LGSN: variants seen among roughly 807,000 people sequenced by gnomAD.
LGSN encodes lengsin, lens protein with glutamine synthetase domain.
LGSN carries 21 observed loss-of-function variants against 19.5 expected under a neutral mutation model. The observed-to-expected ratio is 1.07, with a 90% CI of 0.76 to 1.55. The LOEUF (loss-of-function observed/expected upper bound fraction) is 1.55. LGSN is among the 40% of genes most tolerant of loss of function. LGSN has a pLI of 0.00. For missense variants in LGSN, 673 were observed against 608.5 expected, an observed-to-expected ratio of 1.11 and a Z score of -1.12; for synonymous variants, 257 against 215.6, an observed-to-expected ratio of 1.19 and a Z score of -1.68.
chr6:63,337,918 C>T, the LGSN span, among the ~76,000 whole-genome samples: 30 of 152,168 alleles, frequency 2.0e-4, no homozygotes, highest in African/African-American at 6.7e-4. Flanking sequence ...TGGAGTCTTG[C>T]TCTGTTGCCC....
At chr6:63,365,932 T>A in the LGSN span, among the ~76,000 whole-genome samples, 1 of 152,136 alleles carries the variant, frequency 6.6e-6, no homozygotes. Flanking sequence ...ATTGATGGGA[T>A]GTATCTCAAA....
At chr6:63,473,472 TAAA>T in the LGSN span, among the ~76,000 whole-genome samples, 157 of 59,356 alleles carry the variant, frequency 2.6e-3, 1 homozygote, top group Middle Eastern at 0.034. Context: ...ACACTCTGTC[TAAA>T]AAAAAAAAAA....
chr6:63,319,629 T>C (rs1272988757), intron 1 of LGSN, among the ~76,000 whole-genome samples: 1 of 152,180 alleles, frequency 6.6e-6, no homozygotes, highest in Non-Finnish European at 1.5e-5. Context: ...AATTTTTTTA[T>C]AGCATACTTA....
chr6:63,377,302 A>G, the LGSN span, among the ~76,000 whole-genome samples: 1 of 152,188 alleles, frequency 6.6e-6, no homozygotes, highest in South Asian at 2.1e-4. Context: ...AAGAGGTCTA[A>G]CAATCAACCA....
chr6:63,440,267 C>A, the LGSN span, among the ~76,000 whole-genome samples: 3 of 152,160 alleles, frequency 2.0e-5, no homozygotes, highest in African/African-American at 7.2e-5. Context: ...CCCACCTACG[C>A]CCTGGGAGGA....
the LGSN span, among the ~76,000 whole-genome samples, chr6:63,457,134 C>T: frequency 6.6e-6 from 1 of 152,192 alleles, no homozygotes; most frequent in Non-Finnish European, 1.5e-5. Context: ...TTAGTCCACA[C>T]TACACCAAAT....
At chr6:63,540,243 A>C in the LGSN span, among the ~76,000 whole-genome samples, 1 of 151,708 alleles carries the variant, frequency 6.6e-6, no homozygotes, top group Non-Finnish European at 1.5e-5. Flanking sequence ...AGCCACTAGA[A>C]AAGGCAGGAG....
chr6:63,321,715 CA>C (rs1011693535), upstream of LGSN, among the ~76,000 whole-genome samples: 3 of 151,996 alleles, frequency 2.0e-5, no homozygotes, highest in Middle Eastern at 3.4e-3. Context: ...TCAGTTTTTC[CA>C]AAGGAAAAAC....
rs566156019 is a variant in LGSN at position 63,318,496 on chromosome 6, G to C, written c.30+1418C>G. On this transcript the variant is annotated intron_variant, in intron 1 of 3. Coordinates refer to ENST00000370657, the MANE Select transcript of LGSN (RefSeq NM_016571.3). ...AGTATAAAAGAGCTTATTCAGTGGA[G>C]TTGGGTCAAGTGGCCAGCCAAGATT... Among the ~76,000 whole-genome samples, 19 of 152,292 alleles carry C rather than the reference G, an allele frequency of 1.2e-4. No homozygotes were observed. In the East Asian group the frequency reaches 3.3e-3, roughly 26 times the overall value.
chr6:63,484,186 C>CTAACT, the LGSN span, among the ~76,000 whole-genome samples: 1 of 151,800 alleles, frequency 6.6e-6, no homozygotes, highest in Non-Finnish European at 1.5e-5. Context: ...CATGCACCAC[C>CTAACT]AATCCATCCT....
At chr6:63,441,690 C>G in the LGSN span, 4 of 462,982 alleles carry the variant, frequency 8.6e-6, no homozygotes, top group Admixed American at 9.7e-5. Context: ...CTCAAAGCAG[C>G]CAAGCGGGAG....
the LGSN span, among the ~76,000 whole-genome samples, chr6:63,506,864 T>G: frequency 6.6e-6 from 1 of 152,094 alleles, no homozygotes; most frequent in Admixed American, 6.6e-5. Flanking sequence ...TCACTGAACA[T>G]CTCAGAGAAG....
the LGSN span, among the ~76,000 whole-genome samples, chr6:63,405,085 T>C: frequency 2.0e-5 from 3 of 151,390 alleles, no homozygotes; most frequent in Admixed American, 1.3e-4. Flanking sequence ...GATAGTTTAC[T>C]GAGAATGATG....
chr6:63,357,870 C>T, the LGSN span, among the ~76,000 whole-genome samples: 15 of 152,010 alleles, frequency 9.9e-5, no homozygotes, highest in African/African-American at 2.9e-4. Flanking sequence ...GCTTTTGTTG[C>T]CATTGCTTTT....
At chr6:63,311,520 C>T (rs939193839) in intron 1 of LGSN, among the ~76,000 whole-genome samples, 2 of 152,160 alleles carry the variant, frequency 1.3e-5, no homozygotes, top group Admixed American at 6.6e-5. Flanking sequence ...TCCCCACAAA[C>T]TTTTTATAAA....
At chr6:63,322,735 A>AT (rs1330338607), upstream of LGSN, among the ~76,000 whole-genome samples, 1 of 152,168 alleles carries the variant, frequency 6.6e-6, no homozygotes, top group Non-Finnish European at 1.5e-5. Context: ...GAAATACCTC[A>AT]TTTTCTAAGA....
At chr6:63,439,071 G>A in the LGSN span, among the ~76,000 whole-genome samples, 2 of 152,116 alleles carry the variant, frequency 1.3e-5, no homozygotes, top group Non-Finnish European at 1.5e-5. Context: ...GGATGAAATT[G>A]GAAATCATCA....
chr6:63,567,529 C>A, the LGSN span, among the ~76,000 whole-genome samples: 4 of 152,186 alleles, frequency 2.6e-5, no homozygotes, highest in Non-Finnish European at 5.9e-5. Flanking sequence ...GTGAGCCATG[C>A]TAAACAGATG....
At chr6:63,373,857 C>T in the LGSN span, among the ~76,000 whole-genome samples, 2 of 151,832 alleles carry the variant, frequency 1.3e-5, no homozygotes, top group Non-Finnish European at 2.9e-5. Context: ...ATGGCTTGAA[C>T]CCAGGAGCTG....
Sources: allele counts gnomAD v4.1 joint callset (sites outside exome capture counted in the v4.1 genomes callset), GRCh38; gene constraint gnomAD v4.1.1; transcripts MANE v1.5; gene names NCBI Gene and HGNC (gene_info 2026-07-23, HGNC 2026-07-21).